The following TMEM132D variants were observed in gnomAD, a reference collection of about 807,000 sequenced individuals.
TMEM132D encodes the protein mature OL transmembrane protein.
Under a neutral mutation model 62.3 loss-of-function variants are expected in TMEM132D, and 21 were observed. The ratio of observed to expected loss-of-function variants is 0.34; its 90% CI spans 0.24 to 0.49. TMEM132D has a LOEUF of 0.49. TMEM132D is among the 20% of genes least tolerant of loss of function. TMEM132D has a pLI of 0.99. For synonymous variants in TMEM132D, 621 were observed against 575.6 expected, an observed-to-expected ratio of 1.08 and a Z score of -1.13; for missense variants, 1,346 against 1,402.8, an observed-to-expected ratio of 0.96 and a Z score of 0.65.
At chr12:129,308,925 G>C (rs778239460) in intron 4 of TMEM132D, among the ~76,000 whole-genome samples, 12 of 152,180 alleles carry the variant, frequency 7.9e-5, no homozygotes, top group Non-Finnish European at 1.6e-4. Context: ...TGGAAGAGGA[G>C]CAAGTAACTA....
intron 5 of TMEM132D, among the ~76,000 whole-genome samples, chr12:129,093,129 G>C (rs1874985720): frequency 6.6e-6 from 1 of 152,228 alleles, no homozygotes; most frequent in South Asian, 2.1e-4. Flanking sequence ...TAGACTGGAA[G>C]AGGATGTGCA....
At chr12:129,427,195 G>A (rs1027128793) in intron 3 of TMEM132D, among the ~76,000 whole-genome samples, 9 of 152,194 alleles carry the variant, frequency 5.9e-5, no homozygotes, top group African/African-American at 1.7e-4. Flanking sequence ...AAACTATATG[G>A]ATGGTAAAAG....
intron 1 of TMEM132D, among the ~76,000 whole-genome samples, chr12:129,702,759 G>A (rs1183360313): frequency 1.3e-5 from 2 of 152,230 alleles, no homozygotes; most frequent in East Asian, 3.8e-4. Flanking sequence ...CAGTCTTTAA[G>A]AGAGTGCCTG....
chr12:129,300,507 G>C (rs1435869899), intron 4 of TMEM132D, among the ~76,000 whole-genome samples: 1 of 152,204 alleles, frequency 6.6e-6, no homozygotes, highest in Non-Finnish European at 1.5e-5. Context: ...CACAAACTTA[G>C]TGGCTTGAAA....
intron 1 of TMEM132D, among the ~76,000 whole-genome samples, chr12:129,793,116 G>A (rs1418298134): frequency 6.8e-6 from 1 of 147,590 alleles, no homozygotes; most frequent in East Asian, 2.0e-4. Context: ...GTCTCACTGT[G>A]TTGTCCAAGC....
At chr12:129,633,483 A>T (rs1028865398) in intron 2 of TMEM132D, among the ~76,000 whole-genome samples, 2 of 152,220 alleles carry the variant, frequency 1.3e-5, no homozygotes, top group African/African-American at 2.4e-5. Context: ...AATTGAGCCT[A>T]CTAAGGGTTT....
At chr12:129,780,808 T>C (rs1413700913) in intron 1 of TMEM132D, among the ~76,000 whole-genome samples, 1 of 152,186 alleles carries the variant, frequency 6.6e-6, no homozygotes, top group Non-Finnish European at 1.5e-5. Context: ...ATTGAAACAG[T>C]GGCTGGGATC....
At position 129,851,447 on chromosome 12, in the gene TMEM132D, C is replaced by T. The variant is rs78477029; in HGVS notation, c.79+51814G>A. 7.1e-3 allele frequency among the ~76,000 whole-genome samples: 1,077 copies of T among 152,050 alleles called. 7 individuals are homozygous for T. Among genetic ancestry groups the T allele is most frequent in the Middle Eastern group, 0.01 (3 of 294 alleles). On this transcript the variant is annotated intron_variant, in intron 1 of 8. Transcript: ENST00000422113. ...GTGCCACAATGTTGATTAAATTGTA[C>T]GCACGCCAGCATTAACACTGCTCTA...
intron 5 of TMEM132D, among the ~76,000 whole-genome samples, chr12:129,107,665 TG>T (rs1330128772): frequency 6.6e-6 from 1 of 152,146 alleles, no homozygotes; most frequent in Non-Finnish European, 1.5e-5. Context: ...TCTAGTTTGA[TG>T]GGAAATTTAC....
At chr12:129,831,053 C>G (rs929320523) in intron 1 of TMEM132D, among the ~76,000 whole-genome samples, 2 of 152,132 alleles carry the variant, frequency 1.3e-5, no homozygotes, top group African/African-American at 4.8e-5. Flanking sequence ...CAAGCTCCTT[C>G]TCTCCAGGCT....
intron 2 of TMEM132D, among the ~76,000 whole-genome samples, chr12:129,548,872 A>G (rs1400001830): frequency 6.6e-6 from 1 of 152,238 alleles, no homozygotes; most frequent in Non-Finnish European, 1.5e-5. Context: ...CAAACAAGAA[A>G]ACAGATTATT....
intron 3 of TMEM132D, among the ~76,000 whole-genome samples, chr12:129,459,990 C>T (rs1280161583): frequency 6.6e-6 from 1 of 152,216 alleles, no homozygotes; most frequent in African/African-American, 2.4e-5. Flanking sequence ...ATTTTTGATA[C>T]ATCCTTCCTG....
intron 4 of TMEM132D, among the ~76,000 whole-genome samples, chr12:129,249,153 A>G (rs1389623546): frequency 1.3e-5 from 2 of 152,326 alleles, no homozygotes; most frequent in African/African-American, 4.8e-5. Flanking sequence ...TAATGAAATC[A>G]GCTTGGGACC....
chr12:129,115,204 A>G (rs1324760117), intron 5 of TMEM132D, among the ~76,000 whole-genome samples: 2 of 152,168 alleles, frequency 1.3e-5, no homozygotes, highest in African/African-American at 4.8e-5. Context: ...AAAACACACC[A>G]ATTGTTTTCC....
At chr12:129,098,754 C>G (rs536178943) in intron 5 of TMEM132D, among the ~76,000 whole-genome samples, 1 of 152,160 alleles carries the variant, frequency 6.6e-6, no homozygotes, top group Non-Finnish European at 1.5e-5. Flanking sequence ...AATGCCCTTG[C>G]CTTGAATCTG....
At chr12:129,719,257 T>A (rs1400233546) in intron 1 of TMEM132D, among the ~76,000 whole-genome samples, 1 of 151,758 alleles carries the variant, frequency 6.6e-6, no homozygotes, top group African/African-American at 2.4e-5. Context: ...AGACCCTGTC[T>A]CAAAAAAACA....
chr12:129,105,309 C>T (rs1405424346), intron 5 of TMEM132D, among the ~76,000 whole-genome samples: 15 of 143,836 alleles, frequency 1.0e-4, no homozygotes, highest in African/African-American at 3.2e-4. Context: ...AACCAAACAC[C>T]GCATATTCTC....
At chr12:129,898,889 G>C (rs550805064) in intron 1 of TMEM132D, among the ~76,000 whole-genome samples, 1 of 152,314 alleles carries the variant, frequency 6.6e-6, no homozygotes, top group Non-Finnish European at 1.5e-5. Flanking sequence ...CAAAGGAAGA[G>C]GGGAATGATG....
At chr12:129,112,449 G>A (rs982774167) in intron 5 of TMEM132D, among the ~76,000 whole-genome samples, 3 of 152,192 alleles carry the variant, frequency 2.0e-5, no homozygotes, top group Admixed American at 6.5e-5. Flanking sequence ...ATCATCTGAG[G>A]TCGGGAGTTC....
Sources: allele counts gnomAD v4.1 joint callset (sites outside exome capture counted in the v4.1 genomes callset), GRCh38; gene constraint gnomAD v4.1.1; transcripts MANE v1.5; gene names NCBI Gene and HGNC (gene_info 2026-07-23, HGNC 2026-07-21).